Variants in SLC38A6 observed in about 807,000 individuals in gnomAD.
The protein encoded by SLC38A6 is solute carrier family 38 member 6.
SLC38A6 carries 73 observed loss-of-function variants against 65.0 expected under a neutral mutation model. That is an observed-to-expected ratio of 1.12 (90% CI 0.93 to 1.37). The LOEUF is 1.37. SLC38A6 is among the 40% of genes most tolerant of loss of function. The pLI, the probability that SLC38A6 is intolerant of heterozygous loss-of-function variation, is 0.00. For synonymous variants in SLC38A6, 183 were observed against 178.8 expected (o/e 1.02, Z -0.19); for missense variants, 561 against 531.1 (o/e 1.06, Z -0.55).
intron 16 of SLC38A6, among the ~76,000 whole-genome samples, chr14:61,081,332 G>A (rs1319016986): frequency 1.7e-4 from 16 of 94,274 alleles, no homozygotes; most frequent in Admixed American, 1.6e-3. Flanking sequence ...TTGGGTCATT[G>A]CTTGAACTGT....
intron 5 of SLC38A6, among the ~76,000 whole-genome samples, chr14:61,029,477 T>A (rs2040817038): frequency 6.6e-6 from 1 of 152,094 alleles, no homozygotes. Context: ...ACAAACATAA[T>A]CTCTGGGAGG....
At chr14:60,982,372 G>A (rs1028184436) in intron 1 of SLC38A6, 136 bp from the exon 2 acceptor site, 26 of 1,096,630 alleles carry the variant, frequency 2.4e-5, no homozygotes, top group African/African-American at 1.6e-5. Context: ...ATTAGTGTTG[G>A]TTAAGCAACG....
intron 5 of SLC38A6, among the ~76,000 whole-genome samples, 158 bp from the exon 6 acceptor site, chr14:61,030,284 TGTG>T (rs1373391468): frequency 6.6e-6 from 1 of 151,964 alleles, no homozygotes; most frequent in East Asian, 1.9e-4. Flanking sequence ...TGTGTGTGTG[TGTG>T]TGTGTGTGTG....
intron 4 of SLC38A6, among the ~76,000 whole-genome samples, chr14:61,018,861 G>C (rs2040177846): frequency 1.3e-5 from 2 of 152,180 alleles, no homozygotes; most frequent in South Asian, 4.2e-4. Flanking sequence ...ATCAGATCTG[G>C]CTACATTGGA....
rs2041706114 is a variant in SLC38A6, at chr14:61,040,199, C to T, written c.624+2516C>T. Among the ~76,000 whole-genome samples, 3 of 151,856 alleles carry T rather than the reference C, an allele frequency of 2.0e-5. No individual in the cohort carries two copies. The South Asian group carries it at 6.2e-4, about 32-fold the overall frequency. On this transcript the variant is annotated intron_variant, in intron 8 of 15. Transcript: ENST00000267488. ...TTTTTTTTTAAGAGACAGAATCTCA[C>T]TCTCTCCAGTCACCCAGACTGGAGT...
intron 3 of SLC38A6, among the ~76,000 whole-genome samples, chr14:61,011,378 C>T (rs1335396640): frequency 1.3e-5 from 2 of 152,046 alleles, no homozygotes; most frequent in African/African-American, 2.4e-5. Flanking sequence ...TTATTTCCTT[C>T]TCCTGCCTGA....
intron 15 of SLC38A6, among the ~76,000 whole-genome samples, chr14:61,075,871 T>A (rs1344967635): frequency 1.3e-5 from 2 of 151,162 alleles, no homozygotes; most frequent in Middle Eastern, 3.4e-3. Context: ...TCCTTTTTTT[T>A]TGAAACGGAG....
chr14:61,008,490 C>A (rs1402875732), intron 3 of SLC38A6, among the ~76,000 whole-genome samples: 1 of 152,062 alleles, frequency 6.6e-6, no homozygotes, highest in Non-Finnish European at 1.5e-5. Context: ...AAATGATGAG[C>A]CATATCTTTA....
intron 15 of SLC38A6, 69 bp downstream of exon 15, chr14:61,052,204 T>C (rs2042546008): frequency 2.2e-6 from 3 of 1,369,912 alleles, no homozygotes; most frequent in Admixed American, 2.6e-5. Flanking sequence ...TTATATTATT[T>C]TACCTGCATC....
intron 3 of SLC38A6, among the ~76,000 whole-genome samples, chr14:60,993,528 G>GGA (rs1392197121): frequency 3.9e-5 from 6 of 152,190 alleles, no homozygotes; most frequent in Admixed American, 3.3e-4. Context: ...ACTAACTGAA[G>GGA]GAGAGTCCCA....
intron 8 of SLC38A6, among the ~76,000 whole-genome samples, chr14:61,038,495 A>G (rs1261352823): frequency 6.6e-6 from 1 of 152,158 alleles, no homozygotes; most frequent in Non-Finnish European, 1.5e-5. Flanking sequence ...ACATGTCCAA[A>G]TGAGCTTTTC....
At chr14:61,020,971 C>T (rs1441537908) in intron 5 of SLC38A6, among the ~76,000 whole-genome samples, 1 of 152,058 alleles carries the variant, frequency 6.6e-6, no homozygotes, top group Non-Finnish European at 1.5e-5. Flanking sequence ...GGCACAAGGC[C>T]CACTGTTGTA....
intron 3 of SLC38A6, among the ~76,000 whole-genome samples, chr14:60,986,447 C>T (rs1385708441): frequency 6.6e-6 from 1 of 152,202 alleles, no homozygotes; most frequent in Non-Finnish European, 1.5e-5. Context: ...TTATGCAAAT[C>T]TAGTTTAGGA....
intron 12 of SLC38A6, among the ~76,000 whole-genome samples, chr14:61,047,437 G>T (rs2042219939): frequency 6.6e-6 from 1 of 152,160 alleles, no homozygotes; most frequent in African/African-American, 2.4e-5. Context: ...TGCAAGCTCA[G>T]TGTAGGTTCA....
In SLC38A6 at chr14:61,039,549, T is replaced by G. The variant is rs868701346; in HGVS notation, c.624+1866T>G. Among the ~76,000 whole-genome samples, 9 of 151,142 alleles carry G rather than the reference T, an allele frequency of 6.0e-5. No individual in the cohort carries two copies. The South Asian group carries it at 1.9e-3, about 32-fold the overall frequency. Reference sequence around the variant, plus strand: ...ATTTTTTTTTTTTTTTTTTGTATTTTTAGTAGAGATGGTGTTTCACCATGT... The same window carrying G: ...ATTTTTTTTTTTTTTTTTTGTATTTGTAGTAGAGATGGTGTTTCACCATGT... On this transcript the variant is annotated intron_variant, in intron 8 of 15. Coordinates refer to ENST00000267488, the MANE Select transcript of SLC38A6 (RefSeq NM_153811.3).
downstream of SLC38A6, chr14:61,053,110 A>G (rs899733598): frequency 6.6e-6 from 1 of 152,056 alleles, no homozygotes; most frequent in African/African-American, 2.4e-5. Flanking sequence ...TCTCACGTAG[A>G]AATGAAGACA....
intron 15 of SLC38A6, among the ~76,000 whole-genome samples, chr14:61,075,617 T>C (rs1334882618): frequency 1.3e-5 from 2 of 152,158 alleles, no homozygotes; most frequent in Admixed American, 1.3e-4. Flanking sequence ...TGCCTCTTTT[T>C]AGAGACAAGA....
At chr14:61,016,635 G>C (rs2040031158) in intron 4 of SLC38A6, among the ~76,000 whole-genome samples, 1 of 152,160 alleles carries the variant, frequency 6.6e-6, no homozygotes, top group Non-Finnish European at 1.5e-5. Flanking sequence ...CAGTAATCAG[G>C]AGTTGAACGT....
chr14:61,015,256 C>T (rs1327851998), intron 3 of SLC38A6, among the ~76,000 whole-genome samples: 1 of 152,118 alleles, frequency 6.6e-6, no homozygotes, highest in Non-Finnish European at 1.5e-5. Flanking sequence ...GTGGGAGTGA[C>T]CCGATTTTCC....
Sources: allele counts gnomAD v4.1 joint callset (sites outside exome capture counted in the v4.1 genomes callset), GRCh38; gene constraint gnomAD v4.1.1; transcripts MANE v1.5; gene names NCBI Gene and HGNC (gene_info 2026-07-23, HGNC 2026-07-21).